The following OC90 variants were observed in gnomAD, a reference collection of about 807,000 sequenced individuals.
OC90 encodes the protein otoconin 90.
OC90 carries 46 observed loss-of-function variants against 47.3 expected under a neutral mutation model. That is an observed-to-expected ratio of 0.97 (90% CI 0.77 to 1.24). OC90 has a LOEUF of 1.24. Among genes scored for constraint, OC90 ranks in the 50% most tolerant of loss-of-function variants. OC90 has a pLI of 0.00. For synonymous variants in OC90, 271 were observed against 219.5 expected (o/e 1.23, Z -2.07); for missense variants, 688 against 583.9 (o/e 1.18, Z -1.84).
chr8:132,039,238 G>T, intron 6 of OC90, 115 bp from the exon 7 acceptor site: 1 of 1,098,320 alleles, frequency 9.1e-7, no homozygotes. Context: ...CACTCCCCTT[G>T]CAATCTCCAT....
chr8:132,041,844 T>C, intron 4 of OC90, 145 bp from the exon 5 acceptor site: 2 of 515,514 alleles, frequency 3.9e-6, no homozygotes, highest in African/African-American at 2.0e-5. Flanking sequence ...TGTTTTAGAC[T>C]AAGCCATCAT....
At chr8:132,044,356 G>T in intron 4 of OC90, 77 bp downstream of exon 4, 1 of 813,496 alleles carries the variant, frequency 1.2e-6, no homozygotes, top group Non-Finnish European at 2.1e-6. Flanking sequence ...TGAGACCAAG[G>T]CCCTTGCAAT....
In OC90 at chr8:132,028,563, A is replaced by G. The variant is rs55877238; in HGVS notation, c.1138+510T>C. Among the ~76,000 whole-genome samples the G allele has an allele frequency of 1.8e-3, 57 of 31,342 alleles. 1 individual carries two copies. Among genetic ancestry groups the G allele is most frequent in the South Asian group, 4.1e-3 (3 of 732 alleles). 20.6% of individuals were successfully genotyped at this position (31,342 alleles called of 152,430 possible). A position where few individuals can be genotyped will look rare whatever the true frequency, so the allele number is the denominator to read the frequency against. On this transcript the variant is annotated intron_variant, in intron 13 of 13. Transcript: ENST00000254627. ...GAAAGAAAGAAAGAAAGAAAGAAAG[A>G]AAGGAAGGAAGGAAGGAAGGAAGGA... is the stretch of plus-strand genomic sequence containing the variant.
At chr8:132,034,334 T>C (rs1822921673) in intron 10 of OC90, among the ~76,000 whole-genome samples, 1 of 152,226 alleles carries the variant, frequency 6.6e-6, no homozygotes, top group African/African-American at 2.4e-5. Flanking sequence ...TCTAGCTAAA[T>C]GCCTAGCAAT....
Position 132,033,183 on chromosome 8 carries a change from A to G in OC90, c.734-19T>C. The G allele has an allele frequency of 1.3e-6, 2 of 1,599,094 alleles. No individual in the cohort carries two copies. Among genetic ancestry groups the G allele is most frequent in the Non-Finnish European group, 1.7e-6 (2 of 1,173,046 alleles). ...GCAGATCCTGAAAATGAAAAACTTC[A>G]TGATTCGGATTCAAAAAGTGGCTCA... On this transcript the variant is annotated intron_variant, in intron 10 of 13. Coordinates refer to ENST00000254627, the MANE Select transcript of OC90 (RefSeq NM_001080399.3).
In OC90 at chr8:132,033,112, G is replaced by C. The variant is rs193137099; in HGVS notation, c.786C>G (p.Val262=). The change falls in exon 11 of 14, where the codon GTC becomes GTG. Residue 262 remains valine (V), a synonymous_variant. Transcript: ENST00000254627. The part of the protein sequence containing the change: ...TRVTAKIVTL[V]PAGIKSLGLA... ...GCCCCAGAGATTTAATGCCAGCAGG[G>C]ACAAGGGTTACAATTTTAGCTGTAA... 2.2e-5 allele frequency: 36 copies of C among 1,608,796 alleles called. No individual in the cohort carries two copies. The East Asian group carries it at 6.7e-4, about 30-fold the overall frequency.
At chr8:132,056,889 G>A (rs1295561571) in intron 1 of OC90, among the ~76,000 whole-genome samples, 1 of 152,162 alleles carries the variant, frequency 6.6e-6, no homozygotes, top group East Asian at 1.9e-4. Context: ...CACCATGACA[G>A]GTTGCCAGCA....
Position 132,041,651 on chromosome 8 carries a change from A to C in OC90, c.218T>G (p.Phe73Cys), listed in dbSNP as rs1823055327. 6.2e-7 allele frequency: 1 copy of C among 1,609,900 alleles called. No homozygotes were observed. Among genetic ancestry groups the C allele is most frequent in the Non-Finnish European group, 8.5e-7 (1 of 1,178,164 alleles). Reference sequence around the variant, plus strand: ...ATTGACAAACTGGATCAGCACAGGGAAATTGGTGAAGACAGCCTGCAGCCA... The same window carrying C: ...ATTGACAAACTGGATCAGCACAGGGCAATTGGTGAAGACAGCCTGCAGCCA... ...FTWLQAVFTN[F>C]PVLIQFVNGM... Residue 73 changes from phenylalanine to cysteine, a missense_variant, in exon 5 of 14, where the codon TTC becomes TGC. Coordinates refer to ENST00000254627, the MANE Select transcript of OC90 (RefSeq NM_001080399.3).
At chr8:132,031,456 AT>A (rs1822873165) in intron 12 of OC90, among the ~76,000 whole-genome samples, 1 of 152,234 alleles carries the variant, frequency 6.6e-6, no homozygotes, top group Non-Finnish European at 1.5e-5. Flanking sequence ...TAAAAGGCTA[AT>A]TTTAATGTGG....
intron 10 of OC90, 143 bp downstream of exon 10, chr8:132,034,638 C>T (rs892406884): frequency 1.9e-5 from 11 of 587,720 alleles, no homozygotes; most frequent in African/African-American, 1.7e-4. Flanking sequence ...GGAATAAATG[C>T]TTCCGATTCT....
rs763118524 is a variant in OC90 at position 132,033,307 on chromosome 8, A to G, written c.734-143T>C. ...CCTCAAACTGGGTTTGCAGATGTCC[A>G]GGCAGAGTCTTAAGAATTCTACATG... On this transcript the variant is annotated intron_variant, in intron 10 of 13. Transcript: ENST00000254627. 426 of 784,942 alleles carry G rather than the reference A, an allele frequency of 5.4e-4. 3 individuals carry two copies. The highest frequency in any genetic ancestry group is 3.0e-4 in the Non-Finnish European group (145 of 482,958). The allele number at this position is 784,942 out of a possible 1,614,324, so 48.6% of individuals were successfully genotyped here.
chr8:132,054,893 G>T, intron 2 of OC90, 88 bp downstream of exon 2: 2 of 772,582 alleles, frequency 2.6e-6, no homozygotes, highest in Non-Finnish European at 4.0e-6. Context: ...TGGGAAAGAT[G>T]GTGGGGGTGG....
chr8:132,045,557 C>T (rs1260017595), intron 3 of OC90, among the ~76,000 whole-genome samples: 8 of 152,184 alleles, frequency 5.3e-5, no homozygotes, highest in African/African-American at 1.7e-4. Flanking sequence ...CCATTTCCTG[C>T]CTTCTCCTGG....
chr8:132,029,231 A>G, intron 12 of OC90, 52 bp from the exon 13 acceptor site: 2 of 1,420,116 alleles, frequency 1.4e-6, no homozygotes, highest in Admixed American at 1.7e-5. Context: ...TTCCCTAGGA[A>G]CCCCCTCAAG....
intron 6 of OC90, among the ~76,000 whole-genome samples, chr8:132,040,566 A>G (rs1823037601): frequency 6.6e-6 from 1 of 152,156 alleles, no homozygotes; most frequent in Non-Finnish European, 1.5e-5. Flanking sequence ...CGCCTTATTC[A>G]CGTATCACTA....
At chr8:132,027,262 G>A (rs998467721) in intron 13 of OC90, among the ~76,000 whole-genome samples, 1 of 152,234 alleles carries the variant, frequency 6.6e-6, no homozygotes, top group African/African-American at 2.4e-5. Flanking sequence ...GATCATGAAA[G>A]TTCATTGTTT....
chr8:132,044,547 TG>T (rs1383707250), intron 3 of OC90, 58 bp from the exon 4 acceptor site: 1 of 930,914 alleles, frequency 1.1e-6, no homozygotes, highest in Non-Finnish European at 1.7e-6. Flanking sequence ...TTCACTTCCC[TG>T]TCCACCCTCT....
intron 1 of OC90, among the ~76,000 whole-genome samples, chr8:132,058,641 T>A (rs1446341757): frequency 1.3e-5 from 2 of 152,186 alleles, no homozygotes; most frequent in African/African-American, 2.4e-5. Context: ...GAAATGCATA[T>A]AATGGTGTTT....
At chr8:132,055,297 A>G (rs1334596806) in intron 1 of OC90, among the ~76,000 whole-genome samples, 1 of 152,228 alleles carries the variant, frequency 6.6e-6, no homozygotes, top group East Asian at 1.9e-4. Flanking sequence ...ATGGAAATGT[A>G]GCCATGAGCT....
Sources: gnomAD v4.1 joint callset for allele counts (sites outside exome capture counted in the v4.1 genomes callset) on GRCh38, gnomAD v4.1.1 for gene constraint, MANE v1.5 for transcripts, NCBI Gene and HGNC (gene_info 2026-07-23, HGNC 2026-07-21) for gene names.